ASCC3: variants seen among roughly 807,000 people sequenced by gnomAD.
ASCC3 encodes the protein activating signal cointegrator 1 complex subunit 3.
In ASCC3, 158 loss-of-function variants were observed where a neutral mutation model predicts 256.3. That is an observed-to-expected ratio of 0.62 (90% CI 0.54 to 0.70). ASCC3 has a LOEUF of 0.70. Ranked by LOEUF, ASCC3 falls within the 30% of genes least tolerant of loss-of-function variation. The probability of loss-of-function intolerance (pLI) is 0.00; values close to 1 mark genes in which losing one functional copy is unlikely to be tolerated. For synonymous variants in ASCC3, 948 were observed against 883.4 expected, an observed-to-expected ratio of 1.07 and a Z score of -1.30; for missense variants, 2,259 against 2,626.0, an observed-to-expected ratio of 0.86 and a Z score of 3.05.
rs1459229671 is a variant in ASCC3 at position 100,638,572 on chromosome 6, T to G, written c.4122+29A>C. 3.3e-6 allele frequency: 5 copies of G among 1,533,760 alleles called. No individual in the cohort carries two copies. The East Asian group carries it at 1.1e-4, about 35-fold the overall frequency. On this transcript the variant is annotated intron_variant, in intron 25 of 41. Coordinates refer to ENST00000369162, the MANE Select transcript of ASCC3 (RefSeq NM_006828.4). ...GAGATTATGAACTGTCTTTTCTAAT[T>G]AAATGTAAGTATGATTCTTTCAACA... is the stretch of plus-strand genomic sequence containing the variant.
Position 100,848,560 on chromosome 6 carries a change from G to T in ASCC3, c.389C>A (p.Ala130Asp). The T allele has an allele frequency of 6.2e-7, 1 of 1,614,092 alleles. No homozygotes were observed. The highest frequency in any genetic ancestry group is 8.5e-7 in the Non-Finnish European group (1 of 1,180,008). Residue 130 changes from alanine (A) to aspartate (D), a missense_variant, in exon 4 of 42, where the codon GCT becomes GAT. Ala to Asp is a moderately radical substitution (Grantham distance 126). This residue lies in a region of ASCC3 where 420 missense variants were observed against 419.3 expected (regional missense o/e 1.00). Coordinates refer to ENST00000369162, the MANE Select transcript of ASCC3 (RefSeq NM_006828.4). The part of the protein sequence containing the change: ...GPFPSSSATA[A>D]CNATNRIISH... ...AATAATTCGATTAGTAGCATTACAA[G>T]CTGCAGTGGCAGATGATGAAGGAAA...
At chr6:100,825,179 G>A (rs1400459399) in intron 4 of ASCC3, among the ~76,000 whole-genome samples, 1 of 152,008 alleles carries the variant, frequency 6.6e-6, no homozygotes, top group South Asian at 2.1e-4. Context: ...TGTCCAACCC[G>A]TGGCCTGTGG....
intron 1 of ASCC3, among the ~76,000 whole-genome samples, chr6:100,868,720 G>T (rs968039393): frequency 1.3e-5 from 2 of 152,028 alleles, no homozygotes; most frequent in African/African-American, 2.4e-5. Flanking sequence ...AATATTTTTG[G>T]TACTCAATAA....
At chr6:100,842,704 CTCATGCCTGCAATCCCTGCACT>C (rs1562337123) in intron 4 of ASCC3, among the ~76,000 whole-genome samples, 1 of 152,082 alleles carries the variant, frequency 6.6e-6, no homozygotes, top group Non-Finnish European at 1.5e-5. Context: ...GGTGCAGTGG[CTCATGCCTGCAATCCCTGCACT>C]TCAGGAGGCC....
At chr6:100,743,334 T>C (rs1480723415) in intron 10 of ASCC3, among the ~76,000 whole-genome samples, 1 of 152,188 alleles carries the variant, frequency 6.6e-6, no homozygotes, top group Non-Finnish European at 1.5e-5. Flanking sequence ...GCCCCTTTCA[T>C]TCCGCTTCAT....
At chr6:100,729,775 G>T (rs540709846) in intron 10 of ASCC3, among the ~76,000 whole-genome samples, 13 of 152,228 alleles carry the variant, frequency 8.5e-5, no homozygotes, top group Middle Eastern at 3.4e-3. Context: ...AAATTTTAAA[G>T]ATAAAAGTAT....
intron 25 of ASCC3, among the ~76,000 whole-genome samples, chr6:100,637,485 T>C (rs369489518): frequency 6.6e-6 from 1 of 152,302 alleles, no homozygotes; most frequent in Middle Eastern, 3.4e-3. Context: ...ATCTATTCTG[T>C]ACTCCAGGGA....
At position 100,587,424 on chromosome 6, in the gene ASCC3, T is replaced by C. The variant is rs79016421; in HGVS notation, c.5550+2210A>G. On this transcript the variant is annotated intron_variant, in intron 36 of 41. Coordinates refer to ENST00000369162, the MANE Select transcript of ASCC3 (RefSeq NM_006828.4). ...GCTGGTAGCTACACATAGTGTTCAA[T>C]AGTGAACAAAGAATAATTCCTAGGC... Among the ~76,000 whole-genome samples, 21 of 152,318 alleles carry C rather than the reference T, an allele frequency of 1.4e-4. No homozygotes were observed. The East Asian group carries it at 4.1e-3, about 29-fold the overall frequency.
chr6:100,856,618 CAT>C (rs1772954982), intron 3 of ASCC3: 1 of 178,938 alleles, frequency 5.6e-6, no homozygotes, highest in African/African-American at 2.4e-5. Flanking sequence ...AAACCTCCCT[CAT>C]ATTCACTCCT....
chr6:100,800,501 T>C lies in ASCC3; in HGVS notation c.926A>G (p.Asn309Ser). 1 of 1,602,320 alleles carries C rather than the reference T, an allele frequency of 6.2e-7. No individual in the cohort carries two copies. Among genetic ancestry groups the C allele is most frequent in the Non-Finnish European group, 8.5e-7 (1 of 1,172,250 alleles). ...ATTTTCTCCTAAAATTTTTTTACAA[T>C]TGTCTAAGAAGCAAATTTAAGAAAC... The part of the protein sequence containing the change: ...NDHRFQALQD[N>S]CKKILGENAK... Residue 309 changes from asparagine to serine, a missense_variant, in exon 6 of 42, where the codon AAT (asparagine) becomes AGT (serine). By Grantham distance (46) the Asn-to-Ser change is conservative. Around this residue, in one of 2 missense-constraint regions of ASCC3, gnomAD observed 420 missense variants for 419.3 expected, o/e 1.00. Transcript: ENST00000369162.
At chr6:100,581,904 T>C (rs1163842916) in intron 36 of ASCC3, among the ~76,000 whole-genome samples, 2 of 151,458 alleles carry the variant, frequency 1.3e-5, no homozygotes. Flanking sequence ...AGATATGCGG[T>C]GTTATTTCTG....
chr6:100,718,055 G>A lies in ASCC3; in HGVS notation c.2079+20C>T. The A allele has an allele frequency of 6.2e-7, 1 of 1,605,966 alleles. No individual in the cohort carries two copies. The highest frequency in any genetic ancestry group is 8.5e-7 in the Non-Finnish European group (1 of 1,173,974). ...AGTCAACAAAAATATTTTTAGATAA[G>A]AATTAAAATGAGTATTTACCTTATT... On this transcript the variant is annotated intron_variant, in intron 12 of 41. Transcript: ENST00000369162.
At chr6:100,784,263 T>A (rs1220100094) in intron 8 of ASCC3, among the ~76,000 whole-genome samples, 1 of 152,170 alleles carries the variant, frequency 6.6e-6, no homozygotes, top group African/African-American at 2.4e-5. Context: ...ATTTTATTAA[T>A]CTGAGTGTTG....
At chr6:100,658,372 A>G (rs905761370) in intron 16 of ASCC3, among the ~76,000 whole-genome samples, 5 of 151,492 alleles carry the variant, frequency 3.3e-5, no homozygotes, top group African/African-American at 7.2e-5. Flanking sequence ...GTTTATTTGA[A>G]TATGTATTTT....
chr6:100,530,728 C>T (rs1423617314), intron 37 of ASCC3: 41 of 956,748 alleles, frequency 4.3e-5, no homozygotes, highest in Non-Finnish European at 2.8e-5. Context: ...TTGAAAGAAC[C>T]AGGACAATTT....
chr6:100,678,415 T>C (rs1025274109), intron 14 of ASCC3, among the ~76,000 whole-genome samples: 2 of 151,886 alleles, frequency 1.3e-5, no homozygotes, highest in African/African-American at 4.8e-5. Flanking sequence ...GTAATAAAAG[T>C]AAAAAAATAG....
At chr6:100,597,809 G>GAAAAAA (rs369974362) in intron 34 of ASCC3, among the ~76,000 whole-genome samples, 7 of 88,610 alleles carry the variant, frequency 7.9e-5, no homozygotes, top group Non-Finnish European at 1.6e-4. Flanking sequence ...CGTCTCTACT[G>GAAAAAA]AAAAAAAAAA....
chr6:100,518,862 GAC>G (rs1419827440), intron 37 of ASCC3, among the ~76,000 whole-genome samples: 1 of 152,108 alleles, frequency 6.6e-6, no homozygotes, highest in Non-Finnish European at 1.5e-5. Context: ...CTGACTTAAA[GAC>G]ACATAAGTTA....
intron 22 of ASCC3, among the ~76,000 whole-genome samples, chr6:100,645,368 A>T (rs1775329375): frequency 6.6e-6 from 1 of 151,910 alleles, no homozygotes; most frequent in African/African-American, 2.4e-5. Flanking sequence ...TTATTATAAT[A>T]ATAATGTTTA....
Sources: gnomAD v4.1 joint callset for allele counts (sites outside exome capture counted in the v4.1 genomes callset) on GRCh38, gnomAD v4.1.1 for gene constraint, gnomAD v4.1.1 regional missense constraint, MANE v1.5 for transcripts, NCBI Gene and HGNC (gene_info 2026-07-23, HGNC 2026-07-21) for gene names.